The following ZNF469 variants were observed in gnomAD, a reference collection of about 807,000 sequenced individuals.
ZNF469 encodes zinc finger protein 469.
Under a neutral mutation model 1.0 loss-of-function variants are expected in ZNF469, and 1 was observed. The ratio of observed to expected loss-of-function variants is 1.00; its 90% CI spans 0.35 to 4.73. ZNF469 has a LOEUF of 4.73. Among genes scored for constraint, ZNF469 ranks in the 30% most tolerant of loss-of-function variants. The probability of loss-of-function intolerance (pLI) is 0.16; values close to 1 mark genes in which losing one functional copy is unlikely to be tolerated. For synonymous variants in ZNF469, 2,703 were observed against 2,363.4 expected, an observed-to-expected ratio of 1.14 and a Z score of -4.17; for missense variants, 6,100 against 5,356.3, an observed-to-expected ratio of 1.14 and a Z score of -4.33.
chr16:88,291,350 C>T, the ZNF469 span, among the ~76,000 whole-genome samples: 4 of 152,298 alleles, frequency 2.6e-5, no homozygotes, highest in South Asian at 8.3e-4. Context: ...AGGGCACTTG[C>T]TGAATTTTGA....
At chr16:88,386,623 G>A (rs1162403454) in intron 1 of ZNF469, among the ~76,000 whole-genome samples, 1 of 152,138 alleles carries the variant, frequency 6.6e-6, no homozygotes, top group Non-Finnish European at 1.5e-5. Flanking sequence ...TCACATCCAG[G>A]GCCCTCTAGT....
the ZNF469 span, among the ~76,000 whole-genome samples, chr16:88,279,752 C>T: frequency 1.4e-4 from 21 of 151,234 alleles, no homozygotes; most frequent in African/African-American, 4.9e-4. Context: ...GACACTCGGT[C>T]AGTACCGTGT....
chr16:88,234,142 C>T, the ZNF469 span, among the ~76,000 whole-genome samples: 1 of 152,226 alleles, frequency 6.6e-6, no homozygotes, highest in Non-Finnish European at 1.5e-5. Context: ...CGCTGGGTCT[C>T]AGCAGTCCCC....
At chr16:88,120,805 C>T in the ZNF469 span, among the ~76,000 whole-genome samples, 3,178 of 152,254 alleles carry the variant, frequency 0.021, 141 homozygotes, top group Admixed American at 0.096. Flanking sequence ...GTATGAATCC[C>T]GGAGGAGACG....
the ZNF469 span, among the ~76,000 whole-genome samples, chr16:88,152,294 G>A: frequency 1.3e-5 from 2 of 152,368 alleles, no homozygotes; most frequent in Admixed American, 6.5e-5. The surrounding 1 kb of genome is among the most constrained non-coding windows in gnomAD (Gnocchi z 4.2). Context: ...CTTTGGCGTT[G>A]GAAAAGTCAC....
At chr16:88,310,217 A>C in the ZNF469 span, among the ~76,000 whole-genome samples, 1 of 152,156 alleles carries the variant, frequency 6.6e-6, no homozygotes, top group Non-Finnish European at 1.5e-5. Context: ...CATCAGCTTC[A>C]GGCACCTGCT....
upstream of ZNF469, among the ~76,000 whole-genome samples, chr16:88,381,194 ATG>A (rs1457191218): frequency 7.6e-4 from 92 of 120,726 alleles, 2 homozygotes; most frequent in South Asian, 0.013. Context: ...ACTCACACAC[ATG>A]CATTCACAGA....
At chr16:88,193,141 A>ATGGTGGTGGTGGTGATGGTGGTGATGG in the ZNF469 span, among the ~76,000 whole-genome samples, 1 of 14,132 alleles carries the variant, frequency 7.1e-5, no homozygotes, top group Non-Finnish European at 1.4e-4. Flanking sequence ...GATGGTGGTG[A>ATGGTGGTGGTGGTGATGGTGGTGATGG]TGGTGGTGGG....
the ZNF469 span, among the ~76,000 whole-genome samples, chr16:88,147,605 AG>A: frequency 6.6e-6 from 1 of 152,114 alleles, no homozygotes; most frequent in African/African-American, 2.4e-5. Context: ...GGGGACCTCC[AG>A]GCCAGTGAGC....
At chr16:88,205,760 AG>A in the ZNF469 span, among the ~76,000 whole-genome samples, 1 of 152,094 alleles carries the variant, frequency 6.6e-6, no homozygotes, top group Non-Finnish European at 1.5e-5. The surrounding 1 kb of genome is among the most constrained non-coding windows in gnomAD (Gnocchi z 4.2). Context: ...TTCTATGGGG[AG>A]GAAGCTGGGT....
At chr16:88,275,495 C>T in the ZNF469 span, among the ~76,000 whole-genome samples, 2 of 152,182 alleles carry the variant, frequency 1.3e-5, no homozygotes, top group African/African-American at 2.4e-5. Flanking sequence ...CAGCTCCTGC[C>T]GCCACCCACC....
chr16:88,280,363 C>T, the ZNF469 span, among the ~76,000 whole-genome samples: 1 of 151,970 alleles, frequency 6.6e-6, no homozygotes, highest in African/African-American at 2.4e-5. Flanking sequence ...CAGTACTGTG[C>T]TGATGTTGGT....
chr16:88,189,643 G>T, the ZNF469 span, among the ~76,000 whole-genome samples: 1 of 152,210 alleles, frequency 6.6e-6, no homozygotes, highest in Non-Finnish European at 1.5e-5. The surrounding 1 kb of genome is among the most constrained non-coding windows in gnomAD (Gnocchi z 4.3). Context: ...GCACAGGCTG[G>T]GCACAGTGCC....
In ZNF469 at chr16:88,439,334, T is replaced by A. The variant is rs1267196631; in HGVS notation, c.*2T>A. On this transcript the variant is annotated 3_prime_UTR_variant, in exon 3 of 3. Coordinates refer to ENST00000565624, the MANE Select transcript of ZNF469 (RefSeq NM_001367624.2). ...TTAAAGAAAGATGCTTCCGAGTAAT[T>A]TCTAGGAGCAAGAGCCTGGGACCGG... 1.3e-6 allele frequency: 2 copies of A among 1,550,100 alleles called. No individual in the cohort carries two copies. Among genetic ancestry groups the A allele is most frequent in the Non-Finnish European group, 1.7e-6 (2 of 1,146,966 alleles).
At chr16:88,248,306 C>T in the ZNF469 span, among the ~76,000 whole-genome samples, 5 of 152,174 alleles carry the variant, frequency 3.3e-5, no homozygotes, top group African/African-American at 7.2e-5. Context: ...TAGGACCAAG[C>T]GTGAAAAAGG....
the ZNF469 span, among the ~76,000 whole-genome samples, chr16:88,334,171 G>A: frequency 4.6e-5 from 7 of 152,236 alleles, no homozygotes; most frequent in Admixed American, 2.6e-4. Flanking sequence ...GTCTTGCTCT[G>A]TGTTACAAAT....
At chr16:88,176,975 A>G in the ZNF469 span, among the ~76,000 whole-genome samples, 1 of 152,236 alleles carries the variant, frequency 6.6e-6, no homozygotes, top group East Asian at 1.9e-4. Flanking sequence ...CGTGGCAGGG[A>G]AGCCTCATCC....
chr16:88,420,522 G>A (rs1410517410), intron 1 of ZNF469, among the ~76,000 whole-genome samples: 3 of 152,350 alleles, frequency 2.0e-5, no homozygotes, highest in East Asian at 1.9e-4. Context: ...CAGTGCAGCC[G>A]AGTGTGCAGG....
chr16:88,116,437 C>G, the ZNF469 span, among the ~76,000 whole-genome samples: 333 of 152,312 alleles, frequency 2.2e-3, 1 homozygote, highest in African/African-American at 7.2e-3. Context: ...ACTGTAAACA[C>G]CAGCTTGACA....
Sources: gnomAD v4.1 joint callset for allele counts (sites outside exome capture counted in the v4.1 genomes callset) on GRCh38, gnomAD v4.1.1 for gene constraint, Gnocchi (gnomAD v3.1) non-coding constraint, MANE v1.5 for transcripts, NCBI Gene and HGNC (gene_info 2026-07-23, HGNC 2026-07-21) for gene names.